Variants in PRUNE2 observed in about 807,000 individuals in gnomAD.
The protein encoded by PRUNE2 is prune homolog 2 with BCH domain.
PRUNE2 carries 164 observed loss-of-function variants against 252.0 expected under a neutral mutation model. The observed-to-expected ratio is 0.65, with a 90% confidence interval of 0.57 to 0.74. PRUNE2 has a LOEUF of 0.74. Among genes scored for constraint, PRUNE2 ranks in the 30% least tolerant of loss-of-function variants. PRUNE2 has a pLI of 0.00. For missense variants in PRUNE2, 3,495 were observed against 3,711.0 expected (o/e 0.94, Z 1.51); for synonymous variants, 1,292 against 1,350.2 (o/e 0.96, Z 0.94).
Position 76,707,593 on chromosome 9 carries a change from C to T in PRUNE2, c.4681G>A (p.Gly1561Ser). The change falls in exon 8 of 19, where the codon GGC becomes AGC. Residue 1561 changes from glycine (G) to serine (S), a missense_variant. Transcript: ENST00000376718. ...NDSSVALSSW[G>S]QQPSSGYQEE... ...TGATACCCAGAACTGGGTTGCTGGC[C>T]CCAGGAGGACAGTGCAACTGAAGAG... 6.2e-7 allele frequency: 1 copy of T among 1,613,790 alleles called. No individual in the cohort carries two copies. The highest frequency in any genetic ancestry group is 8.5e-7 in the Non-Finnish European group (1 of 1,179,876).
At chr9:76,651,332 C>T (rs1017663413) in intron 11 of PRUNE2, among the ~76,000 whole-genome samples, 15 of 152,146 alleles carry the variant, frequency 9.9e-5, no homozygotes, top group African/African-American at 3.4e-4. Flanking sequence ...CTGCACTGCT[C>T]ATGTCGGCTC....
intron 9 of PRUNE2, among the ~76,000 whole-genome samples, chr9:76,682,158 G>A (rs549035879): frequency 2.6e-5 from 4 of 151,892 alleles, no homozygotes; most frequent in African/African-American, 4.8e-5. Flanking sequence ...CTCAGTAGAC[G>A]GAGTGATTTA....
At chr9:76,837,525 A>G (rs918190862) in intron 4 of PRUNE2, among the ~76,000 whole-genome samples, 3 of 151,168 alleles carry the variant, frequency 2.0e-5, no homozygotes, top group Non-Finnish European at 2.9e-5. Context: ...GAAGTATCTG[A>G]CATGCTGTGC....
At chr9:76,867,483 T>C (rs886685445) in intron 1 of PRUNE2, among the ~76,000 whole-genome samples, 1 of 152,196 alleles carries the variant, frequency 6.6e-6, no homozygotes, top group Non-Finnish European at 1.5e-5. Flanking sequence ...GCTGTCAGGT[T>C]GATTCAGTAT....
chr9:76,755,671 G>T (rs1163100806), intron 6 of PRUNE2, among the ~76,000 whole-genome samples: 1 of 152,104 alleles, frequency 6.6e-6, no homozygotes, highest in Non-Finnish European at 1.5e-5. Context: ...CAAGCTTCCA[G>T]GTAACGCTCA....
At chr9:76,694,766 AT>A (rs200870901) in intron 9 of PRUNE2, among the ~76,000 whole-genome samples, 2,372 of 132,536 alleles carry the variant, frequency 0.018, 40 homozygotes, top group East Asian at 0.089. Context: ...GTTAAAAAAA[AT>A]TTTTTTTAAA....
chr9:76,891,524 T>A (rs1564516802), intron 1 of PRUNE2, among the ~76,000 whole-genome samples: 1 of 152,212 alleles, frequency 6.6e-6, no homozygotes, highest in Admixed American at 6.5e-5. Context: ...CACAGTTGCA[T>A]ACTGTACATC....
At chr9:76,630,129 C>A (rs1023741495) in intron 15 of PRUNE2, among the ~76,000 whole-genome samples, 14 of 151,922 alleles carry the variant, frequency 9.2e-5, no homozygotes, top group Non-Finnish European at 1.5e-4. Flanking sequence ...TTGTTTGTCT[C>A]TGTTTACTTA....
chr9:76,862,823 C>T (rs760455444), intron 1 of PRUNE2: 2 of 152,238 alleles, frequency 1.3e-5, no homozygotes, highest in Non-Finnish European at 2.9e-5. Flanking sequence ...CCCTATTACA[C>T]ATAATATTTT....
chr9:76,881,202 G>A (rs555365729), intron 1 of PRUNE2, among the ~76,000 whole-genome samples: 2 of 152,120 alleles, frequency 1.3e-5, no homozygotes, highest in African/African-American at 2.4e-5. Context: ...TCCTGACCTC[G>A]TGATCCACCC....
Position 76,708,329 on chromosome 9 carries a change from T to C in PRUNE2, c.3945A>G (p.Pro1315=), listed in dbSNP as rs199770666. 61 of 1,613,802 alleles carry C rather than the reference T, an allele frequency of 3.8e-5. No homozygotes were observed. The African/African-American group carries it at 5.9e-4, about 16-fold the overall frequency. ...TTTGTCCATCGCCATGACCTTTCCA[T>C]GGATCTGGGTGTGGAAAATACCCTG... The part of the protein sequence containing the change: ...ENPGYFPHPD[P]WKGHGDGQSE... The change falls in exon 8 of 19, where the codon CCA becomes CCG. Residue 1315 remains proline, a synonymous_variant. Coordinates refer to ENST00000376718, the MANE Select transcript of PRUNE2 (RefSeq NM_015225.3).
chr9:76,665,154 T>C (rs1291267089), intron 9 of PRUNE2, among the ~76,000 whole-genome samples: 1 of 152,208 alleles, frequency 6.6e-6, no homozygotes, highest in Non-Finnish European at 1.5e-5. Context: ...TTAAATCCTT[T>C]CAATTCACCA....
chr9:76,663,411 C>A (rs2039520689), intron 9 of PRUNE2, among the ~76,000 whole-genome samples: 1 of 152,224 alleles, frequency 6.6e-6, no homozygotes, highest in African/African-American at 2.4e-5. Context: ...CGCCCAGACA[C>A]CTTCTTTAGG....
chr9:76,713,812 T>G (rs535627311), intron 6 of PRUNE2, 91 bp from the exon 7 acceptor site: 4 of 802,642 alleles, frequency 5.0e-6, no homozygotes, highest in Non-Finnish European at 7.6e-6. Flanking sequence ...ATGATGTATT[T>G]AGGAGAGATA....
intron 16 of PRUNE2, 127 bp downstream of exon 16, chr9:76,629,065 A>G (rs962853857): frequency 1.4e-5 from 8 of 571,634 alleles, no homozygotes; most frequent in Non-Finnish European, 2.4e-5. Context: ...GCTGATTGCA[A>G]ACTCCTGGGC....
chr9:76,894,908 C>G (rs2062727385), intron 1 of PRUNE2, among the ~76,000 whole-genome samples: 1 of 152,090 alleles, frequency 6.6e-6, no homozygotes, highest in African/African-American at 2.4e-5. Context: ...TGCCTGTAAT[C>G]CCAGCTACTC....
chr9:76,827,241 GT>G (rs765928675), intron 4 of PRUNE2, among the ~76,000 whole-genome samples: 46 of 152,120 alleles, frequency 3.0e-4, no homozygotes, highest in Non-Finnish European at 6.2e-4. Context: ...ATCTGACAAG[GT>G]GGCTAACCTG....
rs746557283 is a variant in PRUNE2 at position 76,713,668 on chromosome 9, C to T, written c.810G>A (p.Lys270=). 1 of 1,601,602 alleles carries T rather than the reference C, an allele frequency of 6.2e-7. No individual in the cohort carries two copies. The highest frequency in any genetic ancestry group is 2.2e-5 in the East Asian group (1 of 44,652). Residue 270 remains lysine, a synonymous_variant, in exon 7 of 19, where the codon AAG becomes AAA. Transcript: ENST00000376718. ...ACAGGATGAGGACATCAAAACCAAACTTGTCTGTAAATGCTTTCAAGTCAC... is the reference window on the plus strand; with the variant it reads ...ACAGGATGAGGACATCAAAACCAAATTTGTCTGTAAATGCTTTCAAGTCAC... ...ITSDLKAFTD[K]FGFDVLILFS... is the part of the protein sequence containing the mutation.
intron 6 of PRUNE2, among the ~76,000 whole-genome samples, chr9:76,803,812 G>C (rs575863449): frequency 6.6e-6 from 1 of 152,138 alleles, no homozygotes; most frequent in Non-Finnish European, 1.5e-5. Flanking sequence ...GTTACTTTCC[G>C]GAGTCTGTAA....
Sources: gnomAD v4.1 joint callset for allele counts (sites outside exome capture counted in the v4.1 genomes callset) on GRCh38, gnomAD v4.1.1 for gene constraint, MANE v1.5 for transcripts, NCBI Gene and HGNC (gene_info 2026-07-23, HGNC 2026-07-21) for gene names.